The following RAD51AP2 variants were observed in gnomAD, a reference collection of about 807,000 sequenced individuals.
RAD51AP2 encodes the protein RAD51-associated protein 2.
In RAD51AP2, 67 loss-of-function variants were observed where a neutral mutation model predicts 85.5. The ratio of observed to expected loss-of-function variants is 0.78; its 90% CI spans 0.64 to 0.96. RAD51AP2 has a LOEUF of 0.96. RAD51AP2 is among the 40% of genes least tolerant of loss of function. The pLI is 0.00. For missense variants in RAD51AP2, 1,307 were observed against 1,332.4 expected, an observed-to-expected ratio of 0.98 and a Z score of 0.30; for synonymous variants, 474 against 446.5, an observed-to-expected ratio of 1.06 and a Z score of -0.78.
intron 2 of RAD51AP2, among the ~76,000 whole-genome samples, chr2:17,512,507 G>A (rs1218158942): frequency 6.6e-6 from 1 of 152,130 alleles, no homozygotes; most frequent in Non-Finnish European, 1.5e-5. Context: ...TGTGAAGGCA[G>A]AATCACATTG....
chr2:17,534,859 A>G, the RAD51AP2 span, among the ~76,000 whole-genome samples: 1 of 152,228 alleles, frequency 6.6e-6, no homozygotes, highest in Non-Finnish European at 1.5e-5. Flanking sequence ...AAGGTGGAAG[A>G]CACTCATGCT....
chr2:17,532,784 T>A, the RAD51AP2 span, among the ~76,000 whole-genome samples: 1 of 152,210 alleles, frequency 6.6e-6, no homozygotes, highest in Non-Finnish European at 1.5e-5. Context: ...AAGTTATTAA[T>A]CAAGTTAATT....
At chr2:17,520,242 A>T (rs1662827276), upstream of RAD51AP2, among the ~76,000 whole-genome samples, 4 of 152,224 alleles carry the variant, frequency 2.6e-5, no homozygotes, top group South Asian at 8.3e-4. Flanking sequence ...TTATTTAAAC[A>T]TTATACTAAT....
At position 17,514,012 on chromosome 2, in the gene RAD51AP2, C is replaced by A; in HGVS notation, c.3328G>T (p.Gly1110Cys). 6.7e-7 allele frequency: 1 copy of A among 1,492,910 alleles called. No individual in the cohort carries two copies. Among genetic ancestry groups the A allele is most frequent in the Non-Finnish European group, 9.3e-7 (1 of 1,073,666 alleles). 92.5% of individuals were successfully genotyped at this position (1,492,910 alleles called of 1,614,324 possible). A position where few individuals can be genotyped will look rare whatever the true frequency, so the allele number is the denominator to read the frequency against. The change falls in exon 2 of 3, where the codon GGT (glycine) becomes TGT (cysteine). Residue 1110 changes from glycine (G) to cysteine (C), a missense_variant and splice_region_variant. Physicochemically the swap from Gly to Cys is radical, Grantham distance 159. Coordinates refer to ENST00000399080, the MANE Select transcript of RAD51AP2 (RefSeq NM_001099218.3). ...TCCTAAAAAGTAACCACAATGTTAC[C>A]TCCTCTCAATAAATAATTAAATTCT... ...KEEFNYLLRGGSHFPHGISRV... is the reference protein window; with the variant it reads ...KEEFNYLLRGCSHFPHGISRV...
intron 2 of RAD51AP2, 123 bp from the exon 3 acceptor site, chr2:17,511,078 C>A (rs73919087): frequency 0.03 from 15,594 of 516,448 alleles, 1,088 homozygotes; most frequent in African/African-American, 0.19. Flanking sequence ...TATTTATGTG[C>A]CAGACACTAT....
chr2:17,526,069 ATATAT>A, the RAD51AP2 span, among the ~76,000 whole-genome samples: 1 of 151,818 alleles, frequency 6.6e-6, no homozygotes, highest in Non-Finnish European at 1.5e-5. Flanking sequence ...TTATGATATT[ATATAT>A]TATATATGTA....
the RAD51AP2 span, among the ~76,000 whole-genome samples, chr2:17,529,612 A>G: frequency 1.3e-5 from 2 of 152,214 alleles, no homozygotes; most frequent in African/African-American, 4.8e-5. Context: ...TAGCTTTATG[A>G]TATCATTAGA....
upstream of RAD51AP2, among the ~76,000 whole-genome samples, chr2:17,520,827 A>C (rs1662841844): frequency 6.7e-6 from 1 of 149,334 alleles, no homozygotes; most frequent in South Asian, 2.1e-4. Context: ...TCTTTTATGT[A>C]TGTTCTCAAA....
At chr2:17,526,817 C>G in the RAD51AP2 span, among the ~76,000 whole-genome samples, 10 of 152,116 alleles carry the variant, frequency 6.6e-5, no homozygotes, top group East Asian at 1.9e-3. Context: ...ACAGTCAAAA[C>G]TACACTCACT....
At chr2:17,530,293 T>C in the RAD51AP2 span, among the ~76,000 whole-genome samples, 1 of 152,148 alleles carries the variant, frequency 6.6e-6, no homozygotes, top group Non-Finnish European at 1.5e-5. Context: ...ATCAGGAACA[T>C]TTTATCTTAA....
Position 17,517,931 on chromosome 2 carries a change from G to A in RAD51AP2, c.485C>T (p.Thr162Ile). 6.2e-7 allele frequency: 1 copy of A among 1,614,116 alleles called. No individual in the cohort carries two copies. The stretch of plus-strand genomic sequence containing the variant: ...AATTCCATGTATATCGTGTATAGAG[G>A]TGCTGGGCAGAAGTTGACTAACCCC... ...KAGVSQLLPS[T>I]SIHDIHGIRN... Residue 162 changes from threonine (T) to isoleucine (I), a missense_variant, in exon 1 of 3, where the codon ACC becomes ATC. Coordinates refer to ENST00000399080, the MANE Select transcript of RAD51AP2 (RefSeq NM_001099218.3).
chr2:17,515,737 T>C lies in RAD51AP2; in HGVS notation c.2679A>G (p.Gln893=). The change falls in exon 1 of 3, where the codon CAA becomes CAG. Residue 893 remains glutamine (Q), a synonymous_variant. Coordinates refer to ENST00000399080, the MANE Select transcript of RAD51AP2 (RefSeq NM_001099218.3). ...ATTCATTTGTATTTGTTACATAATT[T>C]TGATTAACATATTTATTTTCTTCCA... ...VNVEENKYVN[Q]NYVTNTNEYE... The C allele has an allele frequency of 6.3e-7, 1 of 1,597,572 alleles. No homozygotes were observed. The highest frequency in any genetic ancestry group is 8.5e-7 in the Non-Finnish European group (1 of 1,171,908).
Position 17,517,431 on chromosome 2 carries a change from T to C in RAD51AP2, c.985A>G (p.Asn329Asp). ...AENIFSKCYE[N>D]DYPSLSSQNT... ...TGGCTACTGAGTGATGGGTAGTCAT[T>C]TTCATAACATTTGGAAAAAATGTTT... The change falls in exon 1 of 3, where the codon AAT becomes GAT. Residue 329 changes from asparagine to aspartate, a missense_variant. Coordinates refer to ENST00000399080, the MANE Select transcript of RAD51AP2 (RefSeq NM_001099218.3). 3 of 1,613,766 alleles carry C rather than the reference T, an allele frequency of 1.9e-6. No individual in the cohort carries two copies. The highest frequency in any genetic ancestry group is 1.7e-5 in the Admixed American group (1 of 60,022).
Position 17,516,667 on chromosome 2 carries a change from G to C in RAD51AP2, c.1749C>G (p.Asn583Lys), listed in dbSNP as rs181279982. ...SEPLDILLKTNIAFLLNNFDS... is the reference protein window; with the variant it reads ...SEPLDILLKTKIAFLLNNFDS... ...CAAAGTTATTGAGCAAAAAAGCTAT[G>C]TTAGTTTTCAATAGAATATCTAAAG... Residue 583 changes from asparagine (N) to lysine (K), a missense_variant, in exon 1 of 3, where the codon AAC becomes AAG. This residue lies in a region of RAD51AP2 where 668 missense variants were observed against 671.0 expected (regional missense o/e 1.00). Coordinates refer to ENST00000399080, the MANE Select transcript of RAD51AP2 (RefSeq NM_001099218.3). 118 of 1,569,780 alleles carry C rather than the reference G, an allele frequency of 7.5e-5. 2 individuals carry two copies. The Admixed American group carries it at 1.7e-3, about 23-fold the overall frequency.
the RAD51AP2 span, among the ~76,000 whole-genome samples, chr2:17,526,133 TTAA>T: frequency 6.6e-6 from 1 of 151,944 alleles, no homozygotes; most frequent in South Asian, 2.1e-4. Flanking sequence ...GAATTTTAAG[TTAA>T]TATGCTCTAC....
chr2:17,532,748 T>C, the RAD51AP2 span, among the ~76,000 whole-genome samples: 1 of 152,202 alleles, frequency 6.6e-6, no homozygotes, highest in South Asian at 2.1e-4. Flanking sequence ...CACATATATG[T>C]TCATATGCAT....
chr2:17,519,781 A>G (rs1662817122), upstream of RAD51AP2, among the ~76,000 whole-genome samples: 1 of 152,146 alleles, frequency 6.6e-6, no homozygotes, highest in South Asian at 2.1e-4. Context: ...ACTTCTGTGT[A>G]TCTTATGTTC....
At chr2:17,514,731 C>G (rs1329674907) in intron 1 of RAD51AP2, among the ~76,000 whole-genome samples, 2 of 152,130 alleles carry the variant, frequency 1.3e-5, no homozygotes, top group Non-Finnish European at 2.9e-5. Context: ...GATTGTGCCA[C>G]TGCACTCCAG....
Position 17,518,291 on chromosome 2 carries a change from C to T in RAD51AP2, c.125G>A (p.Gly42Glu), listed in dbSNP as rs576052757. The T allele has an allele frequency of 1.9e-6, 3 of 1,614,042 alleles. No homozygotes were observed. Among genetic ancestry groups the T allele is most frequent in the South Asian group, 1.1e-5 (1 of 91,090 alleles). Residue 42 changes from glycine to glutamate, a missense_variant, in exon 1 of 3, where the codon GGA becomes GAA. This residue lies in a region of RAD51AP2 where 635 missense variants were observed against 643.6 expected (regional missense o/e 0.99). Coordinates refer to ENST00000399080, the MANE Select transcript of RAD51AP2 (RefSeq NM_001099218.3). ...TCGCCAGCCCGCCTTAAAGACACCT[C>T]CAGGCTCCTCAAGACAGAGCCGCTT... ...SSKRLCLEEPGGVFKAGWRLP... is the reference protein window; with the variant it reads ...SSKRLCLEEPEGVFKAGWRLP...
Sources: allele counts gnomAD v4.1 joint callset (sites outside exome capture counted in the v4.1 genomes callset), GRCh38; gene constraint gnomAD v4.1.1; regional missense constraint gnomAD v4.1.1; transcripts MANE v1.5; gene names NCBI Gene and HGNC (gene_info 2026-07-23, HGNC 2026-07-21).